Variants in FTO observed in about 807,000 individuals in gnomAD.
The protein encoded by FTO is alpha-ketoglutarate-dependent dioxygenase FTO.
FTO carries 47 observed loss-of-function variants against 63.9 expected under a neutral mutation model. The observed-to-expected ratio is 0.74, with a 90% CI of 0.58 to 0.94. The LOEUF (loss-of-function observed/expected upper bound fraction) is 0.94. FTO is among the 40% of genes least tolerant of loss of function. The probability of loss-of-function intolerance (pLI) is 0.00; values close to 1 mark genes in which losing one functional copy is unlikely to be tolerated. For synonymous variants in FTO, 207 were observed against 224.4 expected (o/e 0.92, Z 0.69); for missense variants, 562 against 618.1 (o/e 0.91, Z 0.96).
chr16:53,720,990 A>G (rs1332703660), intron 1 of FTO, among the ~76,000 whole-genome samples: 3 of 151,986 alleles, frequency 2.0e-5, no homozygotes, highest in East Asian at 1.9e-4. Flanking sequence ...GGGTCTCACT[A>G]TGTTGCTCAG....
At chr16:53,907,755 C>T (rs556133678) in intron 7 of FTO, among the ~76,000 whole-genome samples, 56 of 152,268 alleles carry the variant, frequency 3.7e-4, no homozygotes, top group African/African-American at 1.2e-3. Flanking sequence ...TTGCACACGT[C>T]ATTTGTTCTT....
chr16:53,897,274 T>C (rs2081299995), intron 7 of FTO, among the ~76,000 whole-genome samples: 1 of 152,204 alleles, frequency 6.6e-6, no homozygotes, highest in African/African-American at 2.4e-5. Context: ...TTCCTTCATA[T>C]GTATAAAAAT....
At chr16:54,087,387 C>T (rs1204061521) in intron 8 of FTO, among the ~76,000 whole-genome samples, 1 of 152,104 alleles carries the variant, frequency 6.6e-6, no homozygotes, top group Non-Finnish European at 1.5e-5. Context: ...TTCAGTTTTA[C>T]TGGGATGGCA....
At chr16:53,729,285 T>C (rs922600977) in intron 1 of FTO, among the ~76,000 whole-genome samples, 1 of 151,498 alleles carries the variant, frequency 6.6e-6, no homozygotes, top group African/African-American at 2.4e-5. Flanking sequence ...TCCTAGCACT[T>C]TGGGAGGCCG....
At position 53,826,274 on chromosome 16, in the gene FTO, G is replaced by C. The variant is rs1031617009; in HGVS notation, c.534G>C (p.Arg178Ser). 1.9e-6 allele frequency: 3 copies of C among 1,613,986 alleles called. No individual in the cohort carries two copies. The African/African-American group carries it at 4.0e-5, about 22-fold the overall frequency. Residue 178 changes from arginine to serine, a missense_variant, in exon 3 of 9, where the codon AGG (arginine) becomes AGC (serine). Transcript: ENST00000471389. ...VPLCMSADFP[R>S]VGMGSSYNGQ... ...TGTGTATGTCTGCAGATTTCCCCAG[G>C]GTTGGGATGGGTTCATCCTACAACG...
chr16:53,978,804 C>T (rs2083480298), intron 8 of FTO, among the ~76,000 whole-genome samples: 1 of 152,104 alleles, frequency 6.6e-6, no homozygotes, highest in African/African-American at 2.4e-5. Flanking sequence ...TGAGACCAGC[C>T]TGGCCAACAT....
chr16:53,918,935 AG>A (rs1417642179), intron 7 of FTO, among the ~76,000 whole-genome samples: 8 of 152,184 alleles, frequency 5.3e-5, no homozygotes, highest in Admixed American at 5.2e-4. Flanking sequence ...GCTAAGCCTC[AG>A]TTTCCTTGTC....
At chr16:53,944,353 G>A (rs557853642) in intron 8 of FTO, among the ~76,000 whole-genome samples, 53 of 152,210 alleles carry the variant, frequency 3.5e-4, no homozygotes, top group Non-Finnish European at 6.5e-4. Flanking sequence ...CAGCGACAGT[G>A]AGAAATACTG....
At chr16:54,051,963 G>A (rs2085322995) in intron 8 of FTO, among the ~76,000 whole-genome samples, 1 of 152,152 alleles carries the variant, frequency 6.6e-6, no homozygotes, top group East Asian at 1.9e-4. Context: ...AAGGGCAAAG[G>A]AGCAAACGGA....
At chr16:53,732,297 T>C (rs1295933543) in intron 1 of FTO, among the ~76,000 whole-genome samples, 3 of 150,430 alleles carry the variant, frequency 2.0e-5, no homozygotes, top group Non-Finnish European at 4.4e-5. Flanking sequence ...GTGATCCACC[T>C]GTGTTGGCCT....
chr16:53,872,037 T>A (rs1006382297), intron 4 of FTO, among the ~76,000 whole-genome samples: 1 of 152,150 alleles, frequency 6.6e-6, no homozygotes, highest in African/African-American at 2.4e-5. Context: ...AGAAGTTGGA[T>A]CCTTTTGAGG....
intron 1 of FTO, among the ~76,000 whole-genome samples, chr16:53,767,186 C>T (rs1299168715): frequency 6.6e-6 from 1 of 152,196 alleles, no homozygotes; most frequent in East Asian, 1.9e-4. Flanking sequence ...CCTGTTTAGT[C>T]TACGCACTGT....
intron 1 of FTO, among the ~76,000 whole-genome samples, chr16:53,789,106 C>G (rs558687573): frequency 3.9e-5 from 6 of 152,196 alleles, no homozygotes; most frequent in African/African-American, 1.4e-4. Context: ...GTGAGGACTT[C>G]ATGTGCCAGA....
At chr16:54,049,473 T>C (rs558982887) in intron 8 of FTO, among the ~76,000 whole-genome samples, 2 of 152,272 alleles carry the variant, frequency 1.3e-5, no homozygotes, top group Admixed American at 1.3e-4. Context: ...CACCTGGAAT[T>C]GATCAAAAGC....
At chr16:53,854,131 T>G (rs1320902351) in intron 4 of FTO, among the ~76,000 whole-genome samples, 1 of 152,194 alleles carries the variant, frequency 6.6e-6, no homozygotes, top group Non-Finnish European at 1.5e-5. Context: ...TTTTGAGAAA[T>G]GTCTATTCAT....
chr16:53,959,357 A>T (rs537239743), intron 8 of FTO, among the ~76,000 whole-genome samples: 1 of 152,298 alleles, frequency 6.6e-6, no homozygotes, highest in African/African-American at 2.4e-5. Context: ...AGTCCTAACA[A>T]ATTCTCAGGT....
chr16:54,058,405 G>A (rs1329114178), intron 8 of FTO, among the ~76,000 whole-genome samples: 6 of 152,178 alleles, frequency 3.9e-5, no homozygotes, highest in Non-Finnish European at 2.9e-5. Flanking sequence ...TTACAGGCGT[G>A]AGCCACCACG....
chr16:54,078,957 T>G (rs975321611), intron 8 of FTO, among the ~76,000 whole-genome samples: 8 of 152,180 alleles, frequency 5.3e-5, no homozygotes, highest in African/African-American at 1.9e-4. Flanking sequence ...TTTCATTTGG[T>G]AAATGAACAT....
chr16:53,733,926 A>C (rs1478824816), intron 1 of FTO, among the ~76,000 whole-genome samples: 2 of 152,220 alleles, frequency 1.3e-5, no homozygotes, highest in Non-Finnish European at 2.9e-5. Context: ...AAGAAACAAT[A>C]ACACAACAAA....
Sources: allele counts gnomAD v4.1 joint callset (sites outside exome capture counted in the v4.1 genomes callset), GRCh38; gene constraint gnomAD v4.1.1; transcripts MANE v1.5; gene names NCBI Gene and HGNC (gene_info 2026-07-23, HGNC 2026-07-21).